The following IQCE variants were observed in gnomAD, a reference collection of about 807,000 sequenced individuals.
IQCE encodes IQ domain-containing protein E.
In IQCE, 115 loss-of-function variants were observed where a neutral mutation model predicts 96.0. The observed-to-expected ratio is 1.20, with a 90% CI of 1.03 to 1.40. IQCE has a LOEUF of 1.40. Among genes scored for constraint, IQCE ranks in the 40% most tolerant of loss-of-function variants. The pLI, the probability that IQCE is intolerant of heterozygous loss-of-function variation, is 0.00. For synonymous variants in IQCE, 412 were observed against 371.2 expected (o/e 1.11, Z -1.26); for missense variants, 1,041 against 909.1 (o/e 1.15, Z -1.87).
rs1784563501 is a variant in IQCE, at chr7:2,603,322, C to T, written c.1633-1559C>T. Among the ~76,000 whole-genome samples the T allele has an allele frequency of 2.0e-5, 3 of 152,218 alleles. No individual in the cohort carries two copies. In the South Asian group the frequency reaches 6.2e-4, roughly 32 times the overall value. On this transcript the variant is annotated intron_variant, in intron 18 of 21. Transcript: ENST00000402050. Reference sequence around the variant, plus strand: ...TGCCAGCCTCCCGTCAGAATGCAAGCTCTGTCTTTTTGCCACCACACCTCT... The same window carrying T: ...TGCCAGCCTCCCGTCAGAATGCAAGTTCTGTCTTTTTGCCACCACACCTCT...
At chr7:2,578,565 C>T (rs1043576507) in intron 8 of IQCE, 39 bp downstream of exon 8, 7 of 1,600,978 alleles carry the variant, frequency 4.4e-6, no homozygotes, top group Admixed American at 1.7e-5. Context: ...TTTCCCCAGA[C>T]GCTAGTTACT....
intron 16 of IQCE, among the ~76,000 whole-genome samples, chr7:2,595,751 A>G (rs1019422720): frequency 6.8e-6 from 1 of 146,506 alleles, no homozygotes; most frequent in Non-Finnish European, 1.5e-5. Context: ...GGAGGGTCGC[A>G]GCCATGCTCC....
At chr7:2,586,404 CCAGGGAA>C (rs758224001) in intron 12 of IQCE, 33 bp downstream of exon 12, 8 of 1,564,212 alleles carry the variant, frequency 5.1e-6, no homozygotes, top group Non-Finnish European at 5.2e-6. Flanking sequence ...AGGAGGGAGG[CCAGGGAA>C]TGGCAGGGAA....
Position 2,610,153 on chromosome 7 carries a change from T to G in IQCE, c.2079T>G (p.Phe693Leu). 1 of 1,596,782 alleles carries G rather than the reference T, an allele frequency of 6.3e-7. No homozygotes were observed. The highest frequency in any genetic ancestry group is 1.1e-5 in the South Asian group (1 of 90,740). The change falls in exon 22 of 22, where the codon TTT becomes TTG. Residue 693 changes from phenylalanine (F) to leucine (L), a missense_variant. Phe to Leu is a conservative substitution (Grantham distance 22). Transcript: ENST00000402050. ...VIAPSLPTKN[F>L]PV Reference sequence around the variant, plus strand: ...CACCGTCTCTGCCCACGAAGAACTTTCCAGTTTAGGTCCCCGTCACTGTCT... The same window carrying G: ...CACCGTCTCTGCCCACGAAGAACTTGCCAGTTTAGGTCCCCGTCACTGTCT...
intron 1 of IQCE, among the ~76,000 whole-genome samples, chr7:2,562,610 C>T (rs1781048878): frequency 6.7e-6 from 1 of 148,956 alleles, no homozygotes; most frequent in Non-Finnish European, 1.5e-5. Flanking sequence ...TTTTTTTCCC[C>T]CTGTATTTTG....
Position 2,610,770 on chromosome 7 carries a change from C to T in IQCE, c.*608C>T, listed in dbSNP as rs556279186. ...CCGCTCACACCGTCCTTTCCCGTCA[C>T]CCTTGCTATCCCCTGGAGCACTGCC... On this transcript the variant is annotated 3_prime_UTR_variant, in exon 22 of 22. Transcript: ENST00000402050. 6.5e-6 allele frequency: 1 copy of T among 153,318 alleles called. No individual in the cohort carries two copies. Among genetic ancestry groups the T allele is most frequent in the African/African-American group, 2.4e-5 (1 of 41,578 alleles). The allele number at this position is 153,318 out of a possible 1,614,324, so 9.5% of individuals were successfully genotyped here.
intron 14 of IQCE, among the ~76,000 whole-genome samples, chr7:2,591,180 G>C (rs1783551714): frequency 6.6e-6 from 1 of 151,982 alleles, no homozygotes; most frequent in South Asian, 2.1e-4. Context: ...TTGAGCCTGG[G>C]AAGTCGAGGC....
chr7:2,588,084 G>T lies in IQCE; in HGVS notation c.1044+207G>T, dbSNP rs573004674. Among the ~76,000 whole-genome samples, 5 of 152,332 alleles carry T rather than the reference G, an allele frequency of 3.3e-5. No individual in the cohort carries two copies. In the East Asian group the frequency reaches 7.7e-4, roughly 24 times the overall value. Reference sequence around the variant, plus strand: ...CCCTCGCTGGGCTGTGAGCTTCTGTGCGTGGCCGCAGGCAGACGCGCTTCG... The same window carrying T: ...CCCTCGCTGGGCTGTGAGCTTCTGTTCGTGGCCGCAGGCAGACGCGCTTCG... On this transcript the variant is annotated intron_variant, in intron 13 of 21. Transcript: ENST00000402050.
At chr7:2,604,323 C>A (rs1184715637) in intron 18 of IQCE, among the ~76,000 whole-genome samples, 4 of 152,098 alleles carry the variant, frequency 2.6e-5, no homozygotes, top group Admixed American at 6.6e-5. Flanking sequence ...GTTGCCCGGG[C>A]TGATCTGAAT....
intron 2 of IQCE, among the ~76,000 whole-genome samples, chr7:2,567,605 C>G (rs1009020164): frequency 3.3e-5 from 5 of 152,234 alleles, no homozygotes; most frequent in African/African-American, 1.2e-4. Flanking sequence ...GTCCGATGGC[C>G]CAGTGGCACA....
At chr7:2,573,353 G>T (rs930462621) in intron 5 of IQCE, 65 bp from the exon 6 acceptor site, 8 of 807,006 alleles carry the variant, frequency 9.9e-6, no homozygotes, top group Non-Finnish European at 1.7e-5. Flanking sequence ...TTTCCTTAAA[G>T]TATAGCCAAG....
At chr7:2,564,514 C>G (rs1243062167) in intron 1 of IQCE, among the ~76,000 whole-genome samples, 1 of 151,894 alleles carries the variant, frequency 6.6e-6, no homozygotes, top group Non-Finnish European at 1.5e-5. Context: ...AGGAGAATCG[C>G]TTGTACCCGG....
At chr7:2,580,468 C>T (rs995731598) in intron 8 of IQCE, among the ~76,000 whole-genome samples, 1 of 152,052 alleles carries the variant, frequency 6.6e-6, no homozygotes, top group African/African-American at 2.4e-5. Flanking sequence ...AAAAATTAGC[C>T]AGGTATGATG....
intron 13 of IQCE, 121 bp downstream of exon 13, chr7:2,587,998 A>G (rs1396141405): frequency 1.9e-5 from 17 of 918,802 alleles, no homozygotes; most frequent in Admixed American, 1.3e-4. Context: ...AGGCAGCGCC[A>G]CACACAGACC....
chr7:2,594,692 C>T (rs74579308), intron 15 of IQCE, among the ~76,000 whole-genome samples, 194 bp from the exon 16 acceptor site: 1,609 of 152,352 alleles, frequency 0.011, 47 homozygotes, highest in Non-Finnish European at 8.0e-3. Flanking sequence ...GAAGTCCCGG[C>T]CTGCGATGGT....
In IQCE at chr7:2,610,400, TG is replaced by T; in HGVS notation, c.*240del. The T allele has an allele frequency of 2.1e-6, 1 of 471,448 alleles. No homozygotes were observed. 29.2% of individuals were successfully genotyped at this position (471,448 alleles called of 1,614,324 possible). On this transcript the variant is annotated 3_prime_UTR_variant, in exon 22 of 22. Transcript: ENST00000402050. ...TCATCTCCAGCTGCAGCTCGGATGGTGGATTTTCAGTGCCAACAGACACATC... is the reference window on the plus strand; with the variant it reads ...TCATCTCCAGCTGCAGCTCGGATGGTGATTTTCAGTGCCAACAGACACATC...
Position 2,578,274 on chromosome 7 carries a change from G to A in IQCE, c.498G>A (p.Leu166=). Residue 166 remains leucine, a synonymous_variant, in exon 7 of 22, where the codon CTG becomes CTA. Transcript: ENST00000402050. ...ACGTGCAGAAGAGCGACGTGGACCT[G>A]ATGAGAACGAAGCTCCGGCGCCTGG... ...SLHVQKSDVD[L]MRTKLRRLEE... is the part of the protein sequence containing the mutation. The A allele has an allele frequency of 6.2e-7, 1 of 1,613,938 alleles. No individual in the cohort carries two copies. Among genetic ancestry groups the A allele is most frequent in the Admixed American group, 1.7e-5 (1 of 60,018 alleles).
Position 2,565,421 on chromosome 7 carries a change from G to T in IQCE, c.37-1695G>T, listed in dbSNP as rs540872301. Among the ~76,000 whole-genome samples, 127 of 152,292 alleles carry T rather than the reference G, an allele frequency of 8.3e-4. 1 individual carries two copies. The highest frequency in any genetic ancestry group is 2.9e-3 in the African/African-American group (120 of 41,560). On this transcript the variant is annotated intron_variant, in intron 1 of 21. Transcript: ENST00000402050. Reference sequence around the variant, plus strand: ...GAAGGGAGTGGTGGAGAGGGCAGCCGTTGTGGGTGAGATCAATGCATTTTG... The same window carrying T: ...GAAGGGAGTGGTGGAGAGGGCAGCCTTTGTGGGTGAGATCAATGCATTTTG...
chr7:2,609,850 C>T (rs567444569), intron 21 of IQCE, among the ~76,000 whole-genome samples, 194 bp from the exon 22 acceptor site: 2 of 151,918 alleles, frequency 1.3e-5, no homozygotes, highest in African/African-American at 4.8e-5. Flanking sequence ...TGAGTTGGTC[C>T]TGAGGGCGGA....
Sources: allele counts gnomAD v4.1 joint callset (sites outside exome capture counted in the v4.1 genomes callset), GRCh38; gene constraint gnomAD v4.1.1; transcripts MANE v1.5; gene names NCBI Gene and HGNC (gene_info 2026-07-23, HGNC 2026-07-21).